The following KDM2A variants were observed in gnomAD, a reference collection of about 807,000 sequenced individuals.
The protein encoded by KDM2A is lysine demethylase 2A.
Under a neutral mutation model 137.3 loss-of-function variants are expected in KDM2A, and 3 were observed. The observed-to-expected ratio is 0.02, with a 90% CI of 0.01 to 0.06. KDM2A has a LOEUF of 0.06. Ranked by LOEUF, KDM2A falls within the 10% of genes least tolerant of loss-of-function variation. The pLI, the probability that KDM2A is intolerant of heterozygous loss-of-function variation, is 1.00. For synonymous variants in KDM2A, 512 were observed against 541.5 expected (o/e 0.95, Z 0.76); for missense variants, 738 against 1,510.6 (o/e 0.49, Z 8.48).
chr11:67,256,924 C>T lies in KDM2A; in HGVS notation c.*1869C>T, dbSNP rs1859634188. ...AGGCCCCAATAATCTGGGGTTGAAA[C>T]TTTGAGGAAATGCCAGTGACTTATT... is the stretch of plus-strand genomic sequence containing the variant. On this transcript the variant is annotated 3_prime_UTR_variant, in exon 21 of 21. Transcript: ENST00000529006. 6.6e-6 allele frequency: 1 copy of T among 152,644 alleles called. No homozygotes were observed. The highest frequency in any genetic ancestry group is 6.5e-5 in the Admixed American group (1 of 15,272). The allele number at this position is 152,644 out of a possible 1,614,324, so 9.5% of individuals were successfully genotyped here. A position where few individuals can be genotyped will look rare whatever the true frequency, so the allele number is the denominator to read the frequency against.
intron 10 of KDM2A, among the ~76,000 whole-genome samples, chr11:67,224,915 C>G (rs1858489833): frequency 7.4e-6 from 1 of 134,252 alleles, no homozygotes; most frequent in Non-Finnish European, 1.5e-5. Flanking sequence ...GATCTCAGCT[C>G]ACTGCAACCT....
rs1314310241 is a variant in KDM2A at position 67,207,614 on chromosome 11, G to C, written c.412G>C (p.Glu138Gln). Residue 138 changes from glutamate (E) to glutamine (Q), a missense_variant, in exon 6 of 21, where the codon GAG (glutamate) becomes CAG (glutamine). Glu to Gln is a conservative substitution (Grantham distance 29). Transcript: ENST00000529006. ...RYYETPEEER[E>Q]KLYNVISLEF... ...CTATGAGACCCCAGAGGAGGAGCGA[G>C]AGAAACTCTATAATGTCATCAGCCT... The C allele has an allele frequency of 6.2e-7, 1 of 1,613,814 alleles. No homozygotes were observed. Among genetic ancestry groups the C allele is most frequent in the Admixed American group, 1.7e-5 (1 of 60,004 alleles).
At chr11:67,198,950 T>C (rs1328744309) in intron 5 of KDM2A, among the ~76,000 whole-genome samples, 2 of 151,964 alleles carry the variant, frequency 1.3e-5, no homozygotes, top group East Asian at 1.9e-4. Flanking sequence ...GGCTAATTTT[T>C]GTATTTTTAG....
chr11:67,150,194 A>G (rs1856354265), intron 2 of KDM2A, among the ~76,000 whole-genome samples: 1 of 152,200 alleles, frequency 6.6e-6, no homozygotes, highest in African/African-American at 2.4e-5. Context: ...GCCCGGAAAT[A>G]TGCATTTGTT....
chr11:67,158,429 T>C (rs1460177942), intron 2 of KDM2A, among the ~76,000 whole-genome samples: 1 of 152,216 alleles, frequency 6.6e-6, no homozygotes, highest in Non-Finnish European at 1.5e-5. Flanking sequence ...TTTCAATTCA[T>C]TGAGTCAGCA....
intron 2 of KDM2A, among the ~76,000 whole-genome samples, chr11:67,176,911 T>G (rs1856982580): frequency 6.6e-6 from 1 of 152,228 alleles, no homozygotes. Flanking sequence ...AAGACACTTT[T>G]GTAGATTTTA....
At chr11:67,181,041 GTAGTC>G (rs1857081724) in intron 3 of KDM2A, among the ~76,000 whole-genome samples, 2 of 149,132 alleles carry the variant, frequency 1.3e-5, no homozygotes. Flanking sequence ...CTCACTATTA[GTAGTC>G]CTATCCCCAT....
At chr11:67,194,300 C>G (rs1438354126) in intron 5 of KDM2A, among the ~76,000 whole-genome samples, 1 of 152,166 alleles carries the variant, frequency 6.6e-6, no homozygotes, top group Non-Finnish European at 1.5e-5. Context: ...GCTTTACCCC[C>G]AGCTGTCCCA....
chr11:67,190,769 T>A (rs1782233583), intron 5 of KDM2A, among the ~76,000 whole-genome samples: 1 of 151,800 alleles, frequency 6.6e-6, no homozygotes, highest in African/African-American at 2.4e-5. Flanking sequence ...AAAAAAAAAA[T>A]ACTACGAACA....
chr11:67,203,015 A>G (rs1019333990), intron 5 of KDM2A, among the ~76,000 whole-genome samples: 12 of 151,886 alleles, frequency 7.9e-5, no homozygotes, highest in Non-Finnish European at 1.5e-4. Flanking sequence ...AAAAAAAAAA[A>G]AAAGAAAAAC....
chr11:67,156,495 A>T (rs1253550323), intron 2 of KDM2A, among the ~76,000 whole-genome samples: 1 of 151,624 alleles, frequency 6.6e-6, no homozygotes, highest in Non-Finnish European at 1.5e-5. Context: ...AGGTGGGCGG[A>T]TCACGAGGTC....
chr11:67,217,895 T>G lies in KDM2A; in HGVS notation c.841+11T>G. 6.3e-7 allele frequency: 1 copy of G among 1,579,266 alleles called. No homozygotes were observed. The highest frequency in any genetic ancestry group is 1.2e-5 in the South Asian group (1 of 86,186). Reference sequence around the variant, plus strand: ...TCGTCATTCCCTCAGGTAAGCAAAATGGGAAGAGTGGGTTATTTAGCCATT... The same window carrying G: ...TCGTCATTCCCTCAGGTAAGCAAAAGGGGAAGAGTGGGTTATTTAGCCATT... On this transcript the variant is annotated intron_variant, in intron 9 of 20. Transcript: ENST00000529006.
At chr11:67,123,938 A>G (rs1177884565) in intron 2 of KDM2A, among the ~76,000 whole-genome samples, 2 of 151,300 alleles carry the variant, frequency 1.3e-5, no homozygotes, top group Non-Finnish European at 2.9e-5. Flanking sequence ...TGGCCTCCCA[A>G]AGTGCTGAGA....
At chr11:67,159,729 G>A (rs1017619500) in intron 2 of KDM2A, among the ~76,000 whole-genome samples, 1 of 152,148 alleles carries the variant, frequency 6.6e-6, no homozygotes, top group African/African-American at 2.4e-5. Context: ...GGAAGACAGT[G>A]GTGAAAAAGA....
Position 67,228,033 on chromosome 11 carries a change from G to C in KDM2A, c.958-4G>C, listed in dbSNP as rs1222492722. ...CATCTTTTCTCTATTTTATTCCTCT[G>C]TAGGTTCCAAATAAGTTTCGCTATC... On this transcript the variant is annotated splice_polypyrimidine_tract_variant and splice_region_variant and intron_variant, in intron 10 of 20. Transcript: ENST00000529006. 1 of 1,611,248 alleles carries C rather than the reference G, an allele frequency of 6.2e-7. No individual in the cohort carries two copies. The highest frequency in any genetic ancestry group is 1.3e-5 in the African/African-American group (1 of 74,818).
chr11:67,224,828 A>ATT (rs764581976), intron 10 of KDM2A, among the ~76,000 whole-genome samples: 1,043 of 66,294 alleles, frequency 0.016, 254 homozygotes, highest in African/African-American at 0.039. Flanking sequence ...CAGCTGCAGC[A>ATT]TTTTTTTTTT....
Position 67,250,834 on chromosome 11 carries a change from A to G in KDM2A, c.2768+36A>G, listed in dbSNP as rs1293165462. ...ATTCAGGGGGTCAGGAATTAGGGGTATGGGAGTAGGTGGCAGGTTTTCCAT... is the reference window on the plus strand; with the variant it reads ...ATTCAGGGGGTCAGGAATTAGGGGTGTGGGAGTAGGTGGCAGGTTTTCCAT... On this transcript the variant is annotated intron_variant, in intron 17 of 20. Coordinates refer to ENST00000529006, the MANE Select transcript of KDM2A (RefSeq NM_012308.3). This position sits in a 1 kb window ranked among gnomAD's most constrained non-coding sequence, Gnocchi z 7.1. 6.8e-7 allele frequency: 1 copy of G among 1,469,714 alleles called. No homozygotes were observed. The highest frequency in any genetic ancestry group is 9.2e-7 in the Non-Finnish European group (1 of 1,090,972). 91.0% of individuals were successfully genotyped at this position (1,469,714 alleles called of 1,614,324 possible).
intron 2 of KDM2A, among the ~76,000 whole-genome samples, chr11:67,123,564 T>G (rs374852787): frequency 6.6e-6 from 1 of 152,182 alleles, no homozygotes; most frequent in Non-Finnish European, 1.5e-5. Context: ...CTTTCCCAGG[T>G]AGTTATTGCT....
intron 10 of KDM2A, among the ~76,000 whole-genome samples, chr11:67,219,946 T>A (rs924702030): frequency 2.6e-5 from 4 of 152,180 alleles, no homozygotes; most frequent in Non-Finnish European, 5.9e-5. Context: ...TTCCTTTTTT[T>A]AAAATTTTAT....
Sources: gnomAD v4.1 joint callset for allele counts (sites outside exome capture counted in the v4.1 genomes callset) on GRCh38, gnomAD v4.1.1 for gene constraint, Gnocchi (gnomAD v3.1) non-coding constraint, MANE v1.5 for transcripts, NCBI Gene and HGNC (gene_info 2026-07-23, HGNC 2026-07-21) for gene names.